Variants in SCRN1 observed in about 807,000 individuals in gnomAD.
SCRN1 encodes the protein secernin-1.
Under a neutral mutation model 43.3 loss-of-function variants are expected in SCRN1, and 19 were observed. That is an observed-to-expected ratio of 0.44 (90% CI 0.31 to 0.64). The LOEUF (loss-of-function observed/expected upper bound fraction) is 0.64. Ranked by LOEUF, SCRN1 falls within the 30% of genes least tolerant of loss-of-function variation. SCRN1 has a pLI of 0.09. For missense variants in SCRN1, 447 were observed against 524.1 expected (o/e 0.85, Z 1.44); for synonymous variants, 183 against 188.9 (o/e 0.97, Z 0.26).
chr7:29,944,677 A>AG (rs1554356504), intron 3 of SCRN1, among the ~76,000 whole-genome samples: 15 of 150,768 alleles, frequency 9.9e-5, no homozygotes, highest in South Asian at 6.3e-4. Context: ...AAAAAAAAAA[A>AG]AAAGAAAGAA....
intron 1 of SCRN1, among the ~76,000 whole-genome samples, chr7:29,983,790 T>C (rs1562825464): frequency 6.6e-6 from 1 of 152,166 alleles, no homozygotes; most frequent in Non-Finnish European, 1.5e-5. Flanking sequence ...AAGTAGAAAG[T>C]CCTGAAATAT....
intron 6 of SCRN1, among the ~76,000 whole-genome samples, chr7:29,932,894 TGAGACAGAGTC>T (rs1381517071): frequency 1.3e-5 from 2 of 152,030 alleles, no homozygotes; most frequent in Non-Finnish European, 2.9e-5. Context: ...TTTTATTTTT[TGAGACAGAGTC>T]TCACTCTGTC....
intron 5 of SCRN1, among the ~76,000 whole-genome samples, chr7:29,938,782 A>G (rs926550885): frequency 6.6e-6 from 1 of 152,204 alleles, no homozygotes; most frequent in African/African-American, 2.4e-5. Flanking sequence ...CAATAAATAC[A>G]TGGGTAAATC....
chr7:29,946,341 G>A (rs1026187220), intron 3 of SCRN1, among the ~76,000 whole-genome samples: 8 of 152,162 alleles, frequency 5.3e-5, no homozygotes, highest in Non-Finnish European at 7.4e-5. Context: ...AGAACCCCAC[G>A]TTGTACACAC....
At chr7:29,990,014 C>A (rs1789317993), upstream of SCRN1, 1 of 1,451,408 alleles carries the variant, frequency 6.9e-7, no homozygotes, top group African/African-American at 1.4e-5. Flanking sequence ...GAAAGTGGCC[C>A]CCTCTTTGCT....
chr7:29,944,072 C>A lies in SCRN1; in HGVS notation c.449G>T (p.Cys150Phe), dbSNP rs560892324. ...CAGATATGCACTTTGGAAGCTGTGG[C>A]AGGAGTTTGCATCTTCAAAGTAATT... ...GGNYFEDANS[C>F]HSFQSAYLIV... is the part of the protein sequence containing the mutation. Residue 150 changes from cysteine (C) to phenylalanine (F), a missense_variant, in exon 4 of 8, where the codon TGC (cysteine) becomes TTC (phenylalanine). Cys to Phe is a radical substitution (Grantham distance 205, BLOSUM62 -2). Transcript: ENST00000242059. 6.2e-7 allele frequency: 1 copy of A among 1,614,218 alleles called. No individual in the cohort carries two copies. Among genetic ancestry groups the A allele is most frequent in the Non-Finnish European group, 8.5e-7 (1 of 1,180,040 alleles).
chr7:29,978,658 C>T (rs192393174), intron 1 of SCRN1, among the ~76,000 whole-genome samples: 20 of 152,052 alleles, frequency 1.3e-4, no homozygotes, highest in African/African-American at 4.3e-4. Context: ...GTGAATGTAA[C>T]GAAAATATTT....
At chr7:29,942,557 A>G (rs1787591706) in intron 4 of SCRN1, among the ~76,000 whole-genome samples, 2 of 152,160 alleles carry the variant, frequency 1.3e-5, no homozygotes, top group African/African-American at 4.8e-5. Context: ...CAATAGTAAG[A>G]CTTCATCTTA....
chr7:29,924,019 G>T lies in SCRN1; in HGVS notation c.1183C>A (p.Pro395Thr). ...EILTSSEPLD[P>T]AEVGDLFYDC... ...TAGAAAAGGTCCCCCACTTCCGCAGGGTCCAGTGGCTCGGAGCTGGTCAGG... is the reference window on the plus strand; with the variant it reads ...TAGAAAAGGTCCCCCACTTCCGCAGTGTCCAGTGGCTCGGAGCTGGTCAGG... Residue 395 changes from proline to threonine, a missense_variant, in exon 8 of 8, where the codon CCT (proline) becomes ACT (threonine). By Grantham distance (38) the Pro-to-Thr change is conservative. Coordinates refer to ENST00000242059, the MANE Select transcript of SCRN1 (RefSeq NM_014766.5). 2 of 1,614,140 alleles carry T rather than the reference G, an allele frequency of 1.2e-6. No homozygotes were observed. The highest frequency in any genetic ancestry group is 1.7e-6 in the Non-Finnish European group (2 of 1,180,020).
At chr7:29,960,721 C>T (rs1433638312) in intron 2 of SCRN1, among the ~76,000 whole-genome samples, 1 of 151,810 alleles carries the variant, frequency 6.6e-6, no homozygotes, top group African/African-American at 2.4e-5. Flanking sequence ...CACACATCCA[C>T]ACACACACAC....
intron 2 of SCRN1, among the ~76,000 whole-genome samples, chr7:29,961,978 G>A (rs1788337173): frequency 6.6e-6 from 1 of 151,966 alleles, no homozygotes; most frequent in Non-Finnish European, 1.5e-5. Context: ...CCTGGAAAGG[G>A]GGATCAGTTG....
intron 2 of SCRN1, 65 bp from the exon 3 acceptor site, chr7:29,955,425 G>T: frequency 2.1e-6 from 3 of 1,461,580 alleles, no homozygotes; most frequent in Non-Finnish European, 1.9e-6. Context: ...TTCTGCCTGG[G>T]TACTTATACT....
At chr7:29,936,775 G>A (rs571323419) in intron 5 of SCRN1, 54 bp from the exon 6 acceptor site, 39 of 1,401,484 alleles carry the variant, frequency 2.8e-5, no homozygotes, top group African/African-American at 2.1e-4. Context: ...GGCCGGGCGC[G>A]GTGGCTCACG....
At chr7:29,943,233 G>A (rs750467989) in intron 4 of SCRN1, among the ~76,000 whole-genome samples, 3 of 152,130 alleles carry the variant, frequency 2.0e-5, no homozygotes, top group Non-Finnish European at 2.9e-5. Context: ...GGAGCTGCTC[G>A]GGCCAAAATT....
At chr7:29,931,331 C>A (rs966979981) in intron 6 of SCRN1, among the ~76,000 whole-genome samples, 1 of 152,140 alleles carries the variant, frequency 6.6e-6, no homozygotes, top group Non-Finnish European at 1.5e-5. Context: ...ATGTGTTGAG[C>A]CCTGGCTGAG....
chr7:29,963,310 A>G (rs1451726533), intron 2 of SCRN1, among the ~76,000 whole-genome samples: 1 of 152,150 alleles, frequency 6.6e-6, no homozygotes, highest in African/African-American at 2.4e-5. Context: ...GTAAATTTCA[A>G]TTGACATGCA....
rs1269529898 is a variant in SCRN1 at position 29,958,047 on chromosome 7, G to GGATC, written c.160-2691_160-2688dup. Among the ~76,000 whole-genome samples, 11 of 152,292 alleles carry GGATC rather than the reference G, an allele frequency of 7.2e-5. No individual in the cohort carries two copies. In the East Asian group the frequency reaches 2.1e-3, roughly 29 times the overall value. ...AACTCGGAATGGTGAGGAAGGAAGG[G>GGATC]GATCCCCAAGTAGCCAGATGGGCCC... is the stretch of plus-strand genomic sequence containing the variant. On this transcript the variant is annotated intron_variant, in intron 2 of 7. Transcript: ENST00000242059.
chr7:29,938,398 C>T (rs1787413903), intron 5 of SCRN1, among the ~76,000 whole-genome samples: 1 of 152,230 alleles, frequency 6.6e-6, no homozygotes, highest in African/African-American at 2.4e-5. Flanking sequence ...TTGCAGATGG[C>T]ATCCTCATGG....
At chr7:29,930,159 T>G (rs1222393901) in intron 6 of SCRN1, among the ~76,000 whole-genome samples, 3 of 152,158 alleles carry the variant, frequency 2.0e-5, no homozygotes. Flanking sequence ...TTTTTTGAGA[T>G]TGAATAAATT....
Sources: gnomAD v4.1 joint callset for allele counts (sites outside exome capture counted in the v4.1 genomes callset) on GRCh38, gnomAD v4.1.1 for gene constraint, MANE v1.5 for transcripts, NCBI Gene and HGNC (gene_info 2026-07-23, HGNC 2026-07-21) for gene names.